TTC27: variants seen among roughly 807,000 people sequenced by gnomAD.
TTC27 encodes the protein tetratricopeptide repeat protein 27.
Under a neutral mutation model 115.9 loss-of-function variants are expected in TTC27, and 79 were observed. The observed-to-expected ratio is 0.68, with a 90% CI of 0.57 to 0.82. The LOEUF is 0.82. Ranked by LOEUF, TTC27 falls within the 40% of genes least tolerant of loss-of-function variation. The pLI, the probability that TTC27 is intolerant of heterozygous loss-of-function variation, is 0.00. For missense variants in TTC27, 1,054 were observed against 993.1 expected (o/e 1.06, Z -0.82); for synonymous variants, 401 against 356.0 (o/e 1.13, Z -1.42).
At chr2:32,708,301 C>CTTTTTTTTTTTTT (rs1159740039) in intron 10 of TTC27, among the ~76,000 whole-genome samples, 3 of 80,260 alleles carry the variant, frequency 3.7e-5, no homozygotes, top group Non-Finnish European at 5.0e-5. Context: ...TTTTCTCTAC[C>CTTTTTTTTTTTTT]TTGTTTTTTT....
At chr2:32,652,481 A>G (rs1452215325) in intron 5 of TTC27, among the ~76,000 whole-genome samples, 4 of 152,208 alleles carry the variant, frequency 2.6e-5, no homozygotes, top group Non-Finnish European at 4.4e-5. Flanking sequence ...GTTCCAAACC[A>G]GAAACTAAGA....
Position 32,751,413 on chromosome 2 carries a change from G to A in TTC27, c.1453-6879G>A, listed in dbSNP as rs138900118. Among the ~76,000 whole-genome samples, 1,123 of 152,092 alleles carry A rather than the reference G, an allele frequency of 7.4e-3. 7 individuals are homozygous for A. The highest frequency in any genetic ancestry group is 0.013 in the Non-Finnish European group (862 of 67,976). On this transcript the variant is annotated intron_variant, in intron 12 of 19. Coordinates refer to ENST00000317907, the MANE Select transcript of TTC27 (RefSeq NM_017735.5). ...AATGAGAAGAGTATGTACGCTTCAG[G>A]GGCTTTTGCTTGGCCCTTTTTACTG...
chr2:32,709,792 G>A lies in TTC27; in HGVS notation c.1233+6872G>A, dbSNP rs1351214656. ...CCCACTCCCACAGCTGGGCCCCACC[G>A]TGTAGAGCAAAGAGGGAAGGTGAAG... On this transcript the variant is annotated intron_variant, in intron 10 of 19. Coordinates refer to ENST00000317907, the MANE Select transcript of TTC27 (RefSeq NM_017735.5). Among the ~76,000 whole-genome samples, 4 of 152,170 alleles carry A rather than the reference G, an allele frequency of 2.6e-5. No individual in the cohort carries two copies. In the East Asian group the frequency reaches 5.8e-4, roughly 22 times the overall value.
Position 32,754,818 on chromosome 2 carries a change from G to T in TTC27, c.1453-3474G>T, listed in dbSNP as rs1402829977. Reference sequence around the variant, plus strand: ...CCCGGACGGGGCGGCTGGCTGGGCGGGGGGGCTGACCCCCCCCACCTCCCT... The same window carrying T: ...CCCGGACGGGGCGGCTGGCTGGGCGTGGGGGCTGACCCCCCCCACCTCCCT... On this transcript the variant is annotated intron_variant, in intron 12 of 19. Transcript: ENST00000317907. Among the ~76,000 whole-genome samples the T allele has an allele frequency of 4.4e-3, 413 of 93,816 alleles. 7 individuals carry two copies. Among genetic ancestry groups the T allele is most frequent in the African/African-American group, 0.013 (388 of 29,108 alleles). 61.5% of individuals were successfully genotyped at this position (93,816 alleles called of 152,430 possible). A position where few individuals can be genotyped will look rare whatever the true frequency, so the allele number is the denominator to read the frequency against.
intron 13 of TTC27, among the ~76,000 whole-genome samples, chr2:32,777,086 A>G (rs936155977): frequency 1.4e-4 from 21 of 152,214 alleles, no homozygotes; most frequent in Admixed American, 1.1e-3. Context: ...TTGAGTAACT[A>G]TTTGGTAATC....
At chr2:32,745,444 C>G (rs1351661712) in intron 12 of TTC27, among the ~76,000 whole-genome samples, 4 of 152,144 alleles carry the variant, frequency 2.6e-5, no homozygotes, top group Admixed American at 6.5e-5. Context: ...CTTCTGCCAT[C>G]TCATCTGATA....
chr2:32,787,926 A>C (rs2148022766), intron 16 of TTC27, among the ~76,000 whole-genome samples: 1 of 152,364 alleles, frequency 6.6e-6, no homozygotes, highest in South Asian at 2.1e-4. Flanking sequence ...CTGTTTGCAC[A>C]GTCCCCTGAC....
chr2:32,674,714 C>T (rs564178017), intron 8 of TTC27, among the ~76,000 whole-genome samples: 10 of 149,498 alleles, frequency 6.7e-5, no homozygotes, highest in East Asian at 4.0e-4. Context: ...GGCTGGAGTG[C>T]AGTGGCGCGA....
At chr2:32,751,632 G>A (rs1669021994) in intron 12 of TTC27, among the ~76,000 whole-genome samples, 1 of 152,154 alleles carries the variant, frequency 6.6e-6, no homozygotes, top group South Asian at 2.1e-4. Context: ...GAGTCCCAAA[G>A]GGTTAACATT....
chr2:32,669,883 CA>C lies in TTC27; in HGVS notation c.940-2371del, dbSNP rs70938358. Among the ~76,000 whole-genome samples, 72 of 108,866 alleles carry C rather than the reference CA, an allele frequency of 6.6e-4. 1 individual carries two copies. Among genetic ancestry groups the C allele is most frequent in the Admixed American group, 1.8e-3 (17 of 9,622 alleles). The allele number at this position is 108,866 out of a possible 152,430, so 71.4% of individuals were successfully genotyped here. A position where few individuals can be genotyped will look rare whatever the true frequency, so the allele number is the denominator to read the frequency against. On this transcript the variant is annotated intron_variant, in intron 7 of 19. Transcript: ENST00000317907. The stretch of plus-strand genomic sequence containing the variant: ...CCTAGGTGACTAAGTGAGACTTTCT[CA>C]AAAAAAAAAAAAAAAAAGAAAAGAA...
chr2:32,636,738 A>G (rs926399597), intron 3 of TTC27, among the ~76,000 whole-genome samples: 3 of 152,226 alleles, frequency 2.0e-5, no homozygotes, highest in Admixed American at 6.5e-5. Flanking sequence ...TTTCATGAGA[A>G]GTTCAGACCA....
chr2:32,732,464 A>T (rs1668321465), intron 10 of TTC27, among the ~76,000 whole-genome samples: 2 of 152,232 alleles, frequency 1.3e-5, no homozygotes, highest in African/African-American at 4.8e-5. Context: ...AGTGTAAAAT[A>T]GAGAACTTTC....
rs371783433 is a variant in TTC27 at position 32,725,495 on chromosome 2, C to G, written c.1234-8333C>G. On this transcript the variant is annotated intron_variant, in intron 10 of 19. Coordinates refer to ENST00000317907, the MANE Select transcript of TTC27 (RefSeq NM_017735.5). ...AAATCTGAAAGCTCCAAAATGATCT[C>G]CTTTGACTCCTTGTCACACATCCAG... is the stretch of plus-strand genomic sequence containing the variant. 1.6e-4 allele frequency among the ~76,000 whole-genome samples: 25 copies of G among 152,302 alleles called. No individual in the cohort carries two copies. In the East Asian group the frequency reaches 1.9e-3, roughly 12 times the overall value.
chr2:32,753,907 C>A (rs1340413591), intron 12 of TTC27, among the ~76,000 whole-genome samples: 1 of 151,836 alleles, frequency 6.6e-6, no homozygotes, highest in Admixed American at 6.6e-5. Context: ...AACTCCCTCT[C>A]TACTAAAAAA....
At chr2:32,801,238 C>T (rs1226469358) in intron 16 of TTC27, among the ~76,000 whole-genome samples, 2 of 152,200 alleles carry the variant, frequency 1.3e-5, no homozygotes, top group Admixed American at 6.5e-5. Context: ...CACAAACTTG[C>T]TGCCTTAAAG....
chr2:32,735,226 T>G (rs1331304982), intron 11 of TTC27, among the ~76,000 whole-genome samples: 1 of 152,180 alleles, frequency 6.6e-6, no homozygotes, highest in Admixed American at 6.5e-5. Flanking sequence ...ATAAAACATA[T>G]GCAAGTAAAA....
chr2:32,702,048 C>T (rs908905315), intron 9 of TTC27, among the ~76,000 whole-genome samples: 1 of 151,146 alleles, frequency 6.6e-6, no homozygotes, highest in Non-Finnish European at 1.5e-5. Context: ...AAACCAGCTA[C>T]CAAAACTGAC....
chr2:32,691,590 C>T (rs572752035), intron 9 of TTC27, among the ~76,000 whole-genome samples: 76 of 152,200 alleles, frequency 5.0e-4, no homozygotes, highest in Admixed American at 4.3e-3. Flanking sequence ...TGAGCCACCG[C>T]GCCTGGCCTG....
At chr2:32,694,328 T>C (rs1033562386) in intron 9 of TTC27, among the ~76,000 whole-genome samples, 1 of 152,236 alleles carries the variant, frequency 6.6e-6, no homozygotes, top group African/African-American at 2.4e-5. Flanking sequence ...AGCCTTTTCA[T>C]GTGCTAAAAT....
Sources: gnomAD v4.1 joint callset for allele counts (sites outside exome capture counted in the v4.1 genomes callset) on GRCh38, gnomAD v4.1.1 for gene constraint, MANE v1.5 for transcripts, NCBI Gene and HGNC (gene_info 2026-07-23, HGNC 2026-07-21) for gene names.